FAM221B: variants seen among roughly 807,000 people sequenced by gnomAD.
FAM221B encodes the protein protein FAM221B.
Under a neutral mutation model 39.8 loss-of-function variants are expected in FAM221B, and 35 were observed. That is an observed-to-expected ratio of 0.88 (90% confidence interval 0.67 to 1.17). FAM221B has a LOEUF of 1.17. FAM221B is among the 50% of genes most tolerant of loss of function. The pLI is 0.00. For synonymous variants in FAM221B, 158 were observed against 178.1 expected, an observed-to-expected ratio of 0.89 and a Z score of 0.90; for missense variants, 479 against 503.1, an observed-to-expected ratio of 0.95 and a Z score of 0.46.
At chr9:35,821,509 T>TTGCCTGTAGTGCCAGTGCC in intron 3 of FAM221B, 1 of 1,367,930 alleles carries the variant, frequency 7.3e-7, no homozygotes, top group Non-Finnish European at 9.8e-7. Flanking sequence ...TTGATGCTGA[T>TTGCCTGTAGTGCCAGTGCC]TGCCTGTAGT....
At position 35,828,726 on chromosome 9, in the gene FAM221B, C is replaced by G. The variant is rs1469551103; in HGVS notation, c.-264G>C. Reference sequence around the variant, plus strand: ...GGGTCTAGGGCCAATGAGGGAGGGTCTTGACTGAAGCCTCCGGAACCCGGG... The same window carrying G: ...GGGTCTAGGGCCAATGAGGGAGGGTGTTGACTGAAGCCTCCGGAACCCGGG... On this transcript the variant is annotated 5_prime_UTR_variant, in exon 1 of 7. Coordinates refer to ENST00000423537, the MANE Select transcript of FAM221B (RefSeq NM_001012446.4). The surrounding 1 kb of genome is among the most constrained non-coding windows in gnomAD (Gnocchi z 4.5). The G allele has an allele frequency of 2.0e-6, 2 of 985,356 alleles. No homozygotes were observed. The highest frequency in any genetic ancestry group is 2.4e-6 in the Non-Finnish European group (2 of 829,942). The allele number at this position is 985,356 out of a possible 1,614,324, so 61.0% of individuals were successfully genotyped here. A position where few individuals can be genotyped will look rare whatever the true frequency, so the allele number is the denominator to read the frequency against.
chr9:35,823,913 C>T (rs1203085263), intron 3 of FAM221B, among the ~76,000 whole-genome samples: 1 of 152,102 alleles, frequency 6.6e-6, no homozygotes, highest in African/African-American at 2.4e-5. Context: ...GATCCTCCTG[C>T]CTCAGCCTCC....
intron 3 of FAM221B, among the ~76,000 whole-genome samples, chr9:35,824,684 G>GTTT (rs1277189944): frequency 5.0e-5 from 7 of 140,718 alleles, no homozygotes; most frequent in Non-Finnish European, 6.2e-5. Flanking sequence ...TTGTTTTTTG[G>GTTT]TTTTTTTTTT....
chr9:35,821,551 T>C (rs370634772), intron 3 of FAM221B: 4 of 1,367,772 alleles, frequency 2.9e-6, no homozygotes, highest in African/African-American at 1.5e-5. Flanking sequence ...GGAGGCTTTG[T>C]TGAGAGAGCA....
Position 35,816,856 on chromosome 9 carries a change from T to C in FAM221B, c.*1613A>G, listed in dbSNP as rs1397386542. On this transcript the variant is annotated 3_prime_UTR_variant, in exon 7 of 7. Coordinates refer to ENST00000423537, the MANE Select transcript of FAM221B (RefSeq NM_001012446.4). Reference sequence around the variant, plus strand: ...TGGAGGAACAGATGGCCCCCCTAATTGTGAGGAAATGTAGAATGGCCTCTT... The same window carrying C: ...TGGAGGAACAGATGGCCCCCCTAATCGTGAGGAAATGTAGAATGGCCTCTT... The C allele has an allele frequency of 6.6e-6, 1 of 152,062 alleles. No homozygotes were observed. Among genetic ancestry groups the C allele is most frequent in the East Asian group, 1.9e-4 (1 of 5,196 alleles). The allele number at this position is 152,062 out of a possible 1,614,324, so 9.4% of individuals were successfully genotyped here. A position where few individuals can be genotyped will look rare whatever the true frequency, so the allele number is the denominator to read the frequency against.
chr9:35,825,343 C>A lies in FAM221B; in HGVS notation c.629G>T (p.Arg210Met), dbSNP rs766735707. Reference sequence around the variant, plus strand: ...AGCCACTTCCACCAGCTCTGTCTGCCTAGCAGGGAACACTGGGCGGGCTGT... The same window carrying A: ...AGCCACTTCCACCAGCTCTGTCTGCATAGCAGGGAACACTGGGCGGGCTGT... ...GNTARPVFPARQTELVEVAKA... is the reference protein window; with the variant it reads ...GNTARPVFPAMQTELVEVAKA... The change falls in exon 3 of 7, where the codon AGG (arginine) becomes ATG (methionine). Residue 210 changes from arginine (R) to methionine (M), a missense_variant. Transcript: ENST00000423537. This position sits in a 1 kb window ranked among gnomAD's most constrained non-coding sequence, Gnocchi z 4.2. The A allele has an allele frequency of 7.4e-6, 12 of 1,614,252 alleles. No individual in the cohort carries two copies. In the South Asian group the frequency reaches 1.3e-4, roughly 18 times the overall value.
intron 3 of FAM221B, among the ~76,000 whole-genome samples, chr9:35,822,412 C>A (rs1284336956): frequency 6.6e-6 from 1 of 151,916 alleles, no homozygotes; most frequent in African/African-American, 2.4e-5. Context: ...TTTCTTGTTT[C>A]TTTTCTTTCT....
At position 35,825,283 on chromosome 9, in the gene FAM221B, A is replaced by T; in HGVS notation, c.689T>A (p.Val230Glu). 6 of 1,614,202 alleles carry T rather than the reference A, an allele frequency of 3.7e-6. No individual in the cohort carries two copies. The highest frequency in any genetic ancestry group is 5.1e-6 in the Non-Finnish European group (6 of 1,180,040). ...AMHREEFGAQ[V>E]NNLFQWEKDA... Reference sequence around the variant, plus strand: ...CTTCTCCCACTGGAAAAGATTGTTCACTTGAGCACCAAACTCCTCTCTATG... The same window carrying T: ...CTTCTCCCACTGGAAAAGATTGTTCTCTTGAGCACCAAACTCCTCTCTATG... The change falls in exon 3 of 7, where the codon GTG becomes GAG. Residue 230 changes from valine to glutamate, a missense_variant. Transcript: ENST00000423537. The surrounding 1 kb of genome is among the most constrained non-coding windows in gnomAD (Gnocchi z 4.2).
chr9:35,819,837 C>A (rs1441238590), intron 4 of FAM221B, 53 bp downstream of exon 4: 72 of 1,120,560 alleles, frequency 6.4e-5, no homozygotes, highest in Middle Eastern at 4.1e-4. Context: ...CAAGACATGA[C>A]AGAGTACAGT....
intron 3 of FAM221B, among the ~76,000 whole-genome samples, chr9:35,824,140 C>T (rs1242291289): frequency 6.6e-6 from 1 of 151,986 alleles, no homozygotes; most frequent in East Asian, 1.9e-4. Flanking sequence ...ATGTTTTAGG[C>T]CTGTCATCGT....
intron 1 of FAM221B, among the ~76,000 whole-genome samples, chr9:35,827,531 G>T (rs1829420523): frequency 6.6e-6 from 1 of 152,226 alleles, no homozygotes; most frequent in African/African-American, 2.4e-5. Flanking sequence ...CTAGGATACG[G>T]TGGGGAGGGG....
intron 3 of FAM221B, 152 bp from the exon 4 acceptor site, chr9:35,820,152 T>G: frequency 3.4e-6 from 2 of 579,924 alleles, no homozygotes; most frequent in South Asian, 4.6e-5. Context: ...TCCTCACCTC[T>G]ACCCCTTAGA....
chr9:35,825,365 C>T lies in FAM221B; in HGVS notation c.607G>A (p.Ala203Thr). 6.2e-7 allele frequency: 1 copy of T among 1,614,086 alleles called. No homozygotes were observed. Among genetic ancestry groups the T allele is most frequent in the African/African-American group, 1.3e-5 (1 of 75,046 alleles). ...AQPGHQLGNT[A>T]RPVFPARQTE... ...TGCCTAGCAGGGAACACTGGGCGGG[C>T]TGTGTTACCTAGGATGGGAGAGGAT... is the stretch of plus-strand genomic sequence containing the variant. The change falls in exon 3 of 7, where the codon GCC becomes ACC. Residue 203 changes from alanine to threonine, a missense_variant. Ala to Thr is a moderately conservative substitution (Grantham distance 58). Coordinates refer to ENST00000423537, the MANE Select transcript of FAM221B (RefSeq NM_001012446.4). The surrounding 1 kb of genome is among the most constrained non-coding windows in gnomAD (Gnocchi z 4.2).
rs945865670 is a variant in FAM221B, at chr9:35,819,461, C to T, written c.854-67G>A. The T allele has an allele frequency of 4.0e-5, 56 of 1,401,256 alleles. No homozygotes were observed. The Admixed American group carries it at 1.3e-3, about 32-fold the overall frequency. The allele number at this position is 1,401,256 out of a possible 1,614,324, so 86.8% of individuals were successfully genotyped here. A position where few individuals can be genotyped will look rare whatever the true frequency, so the allele number is the denominator to read the frequency against. ...CCTTGCCTTCTCATGCCAACCCCAT[C>T]CTCCATCCCCACCACCCCCTATGCA... is the stretch of plus-strand genomic sequence containing the variant. On this transcript the variant is annotated intron_variant, in intron 4 of 6. Transcript: ENST00000423537.
At position 35,826,097 on chromosome 9, in the gene FAM221B, G is replaced by C; in HGVS notation, c.65C>G (p.Ser22Ter). The C allele has an allele frequency of 1.2e-6, 2 of 1,612,810 alleles. No individual in the cohort carries two copies. Among genetic ancestry groups the C allele is most frequent in the Non-Finnish European group, 1.7e-6 (2 of 1,179,450 alleles). The change falls in exon 2 of 7, where the codon TCA becomes TGA. Residue 22 changes from serine to a stop codon, truncating the protein, a stop_gained. Coordinates refer to ENST00000423537, the MANE Select transcript of FAM221B (RefSeq NM_001012446.4). LOFTEE classifies it high-confidence loss of function. ...ITMDAEKHPPSKDPSAEDLQE... is the reference protein window; with the variant it reads ...ITMDAEKHPP ...TAAGTCCTCAGCAGAGGGGTCCTTT[G>C]AAGGGGGGTGCTTCTCTGCATCCAT...
chr9:35,821,664 G>T (rs779991476), intron 3 of FAM221B: 3 of 1,353,274 alleles, frequency 2.2e-6, no homozygotes, highest in South Asian at 2.3e-5. Context: ...AGCAGGAGGT[G>T]AGGCCCAAAG....
In FAM221B at chr9:35,819,266, C is replaced by T. The variant is rs754051513; in HGVS notation, c.982G>A (p.Ala328Thr). 4 of 1,551,740 alleles carry T rather than the reference C, an allele frequency of 2.6e-6. No individual in the cohort carries two copies. Among genetic ancestry groups the T allele is most frequent in the East Asian group, 4.9e-5 (2 of 40,924 alleles). Residue 328 changes from alanine to threonine, a missense_variant, in exon 5 of 7, where the codon GCC becomes ACC. Ala to Thr is a moderately conservative substitution (Grantham distance 58). Coordinates refer to ENST00000423537, the MANE Select transcript of FAM221B (RefSeq NM_001012446.4). ...TGGCTGTGTTTGCAGCGACATTGGGCCCTCCAGGCCTTGGGGTCAAAGGTG... is the reference window on the plus strand; with the variant it reads ...TGGCTGTGTTTGCAGCGACATTGGGTCCTCCAGGCCTTGGGGTCAAAGGTG... ...RATFDPKAWR[A>T]QCRCKHSHEE...
At chr9:35,826,291 G>A (rs1829356712) in intron 1 of FAM221B, 130 bp from the exon 2 acceptor site, 2 of 716,532 alleles carry the variant, frequency 2.8e-6, no homozygotes, top group Non-Finnish European at 4.6e-6. Flanking sequence ...GATATAAGAG[G>A]GAAACAACAT....
chr9:35,826,298 A>G (rs941802270), intron 1 of FAM221B, 137 bp from the exon 2 acceptor site: 4 of 690,884 alleles, frequency 5.8e-6, no homozygotes, highest in African/African-American at 5.3e-5. Context: ...GAGGGAAACA[A>G]CATGAACTCT....
Sources: gnomAD v4.1 joint callset for allele counts (sites outside exome capture counted in the v4.1 genomes callset) on GRCh38, gnomAD v4.1.1 for gene constraint, Gnocchi (gnomAD v3.1) non-coding constraint, MANE v1.5 for transcripts, NCBI Gene and HGNC (gene_info 2026-07-23, HGNC 2026-07-21) for gene names.